The following INKA2 variants were observed in gnomAD, a reference collection of about 807,000 sequenced individuals.
INKA2 encodes the protein PAK4-inhibitor INKA2.
In INKA2, 3 loss-of-function variants were observed where a neutral mutation model predicts 9.8. The ratio of observed to expected loss-of-function variants is 0.31; its 90% CI spans 0.14 to 0.79. The LOEUF (loss-of-function observed/expected upper bound fraction) is 0.79. INKA2 is among the 30% of genes least tolerant of loss of function. INKA2 has a pLI of 0.62. For missense variants in INKA2, 392 were observed against 384.4 expected (o/e 1.02, Z -0.17); for synonymous variants, 147 against 143.3 (o/e 1.03, Z -0.18).
At position 111,723,053 on chromosome 1, in the gene INKA2, A is replaced by T. The variant is rs935954769; in HGVS notation, c.*3915T>A. The T allele has an allele frequency of 1.4e-6, 1 of 702,154 alleles. No individual in the cohort carries two copies. Among genetic ancestry groups the T allele is most frequent in the African/African-American group, 1.7e-5 (1 of 57,344 alleles). 43.5% of individuals were successfully genotyped at this position (702,154 alleles called of 1,614,324 possible). The stretch of plus-strand genomic sequence containing the variant: ...CCACAGTGACAGAGGGGGCTCTCAA[A>T]TCTTAACTCCAAGTCTAGTGCTCAT... On this transcript the variant is annotated 3_prime_UTR_variant, in exon 2 of 2. Transcript: ENST00000357260.
chr1:111,734,397 C>CT (rs150589873), intron 1 of INKA2, among the ~76,000 whole-genome samples: 5,449 of 151,784 alleles, frequency 0.036, 131 homozygotes, highest in East Asian at 0.079. Flanking sequence ...AAGTTACCTT[C>CT]TTTTTTTTTC....
At chr1:111,751,636 C>A (rs115517545) in intron 1 of INKA2, among the ~76,000 whole-genome samples, 404 of 152,310 alleles carry the variant, frequency 2.7e-3, no homozygotes, top group Non-Finnish European at 4.1e-3. Flanking sequence ...AAAGTCCAGA[C>A]ACCAACCTGG....
chr1:111,730,329 A>G (rs1304894917), intron 1 of INKA2, among the ~76,000 whole-genome samples: 1 of 152,112 alleles, frequency 6.6e-6, no homozygotes, highest in Non-Finnish European at 1.5e-5. Flanking sequence ...AGCCTCAGTC[A>G]TTTTTGGCTT....
At position 111,725,397 on chromosome 1, in the gene INKA2, TG is replaced by T. The variant is rs1053646991; in HGVS notation, c.*1570del. On this transcript the variant is annotated 3_prime_UTR_variant, in exon 2 of 2. Transcript: ENST00000357260. ...TTCCCTACTGGAGTGGGAGGGACAG[TG>T]GCTTCCCAGGGCAGTCCTGGGGGGG... The T allele has an allele frequency of 1.3e-5, 2 of 152,194 alleles. No homozygotes were observed. Among genetic ancestry groups the T allele is most frequent in the African/African-American group, 4.8e-5 (2 of 41,420 alleles). 9.4% of individuals were successfully genotyped at this position (152,194 alleles called of 1,614,324 possible). A position where few individuals can be genotyped will look rare whatever the true frequency, so the allele number is the denominator to read the frequency against.
chr1:111,750,450 A>G (rs140189560), intron 1 of INKA2, among the ~76,000 whole-genome samples: 73 of 152,376 alleles, frequency 4.8e-4, no homozygotes, highest in Middle Eastern at 6.8e-3. Flanking sequence ...TTGATACAAC[A>G]TAAGTTTATA....
At chr1:111,737,980 C>T (rs1346436946) in intron 1 of INKA2, among the ~76,000 whole-genome samples, 1 of 152,208 alleles carries the variant, frequency 6.6e-6, no homozygotes, top group Non-Finnish European at 1.5e-5. Flanking sequence ...AGAGTGTAGC[C>T]TTTGCAGGCA....
chr1:111,730,819 C>T (rs993337114), intron 1 of INKA2, among the ~76,000 whole-genome samples: 4 of 152,152 alleles, frequency 2.6e-5, no homozygotes, highest in Non-Finnish European at 5.9e-5. Flanking sequence ...CACCCCAGAA[C>T]CTCGCTAGCA....
rs1255280389 is a variant in INKA2, at chr1:111,726,788, C to T, written c.*180G>A. On this transcript the variant is annotated 3_prime_UTR_variant, in exon 2 of 2. Coordinates refer to ENST00000357260, the MANE Select transcript of INKA2 (RefSeq NM_019099.5). ...TCCACCAGCTAGCCCCCAAGACAGC[C>T]TCTCCCAACCACCTTCCCTTCAGTC... The T allele has an allele frequency of 1.5e-6, 1 of 681,724 alleles. No individual in the cohort carries two copies. The highest frequency in any genetic ancestry group is 2.5e-6 in the Non-Finnish European group (1 of 394,834). 42.2% of individuals were successfully genotyped at this position (681,724 alleles called of 1,614,324 possible).
rs1355430735 is a variant in INKA2 at position 111,725,951 on chromosome 1, G to A, written c.*1017C>T. The A allele has an allele frequency of 1.8e-5, 7 of 390,938 alleles. No homozygotes were observed. The highest frequency in any genetic ancestry group is 2.7e-5 in the Non-Finnish European group (6 of 221,478). The allele number at this position is 390,938 out of a possible 1,614,324, so 24.2% of individuals were successfully genotyped here. A position where few individuals can be genotyped will look rare whatever the true frequency, so the allele number is the denominator to read the frequency against. Reference sequence around the variant, plus strand: ...GGGGTTTCACCATGTTGGCCAGGCTGGTCATGAACTCCTGACCCCAGGTAA... The same window carrying A: ...GGGGTTTCACCATGTTGGCCAGGCTAGTCATGAACTCCTGACCCCAGGTAA... On this transcript the variant is annotated 3_prime_UTR_variant, in exon 2 of 2. Coordinates refer to ENST00000357260, the MANE Select transcript of INKA2 (RefSeq NM_019099.5).
chr1:111,752,650 T>C (rs1663435399), intron 1 of INKA2, among the ~76,000 whole-genome samples: 1 of 152,148 alleles, frequency 6.6e-6, no homozygotes, highest in South Asian at 2.1e-4. Context: ...ACACCCAGGG[T>C]GGGCCACCTT....
rs1024856598 is a variant in INKA2 at position 111,725,052 on chromosome 1, T to A, written c.*1916A>T. 1.3e-5 allele frequency: 2 copies of A among 152,176 alleles called. No homozygotes were observed. The highest frequency in any genetic ancestry group is 2.4e-5 in the African/African-American group (1 of 41,408). 9.4% of individuals were successfully genotyped at this position (152,176 alleles called of 1,614,324 possible). A position where few individuals can be genotyped will look rare whatever the true frequency, so the allele number is the denominator to read the frequency against. ...CCACCAAAAATGAAACATCTTACCATTTGACTGGGTAGGATTTGAGAGTGA... is the reference window on the plus strand; with the variant it reads ...CCACCAAAAATGAAACATCTTACCAATTGACTGGGTAGGATTTGAGAGTGA... On this transcript the variant is annotated 3_prime_UTR_variant, in exon 2 of 2. Coordinates refer to ENST00000357260, the MANE Select transcript of INKA2 (RefSeq NM_019099.5).
In INKA2 at chr1:111,727,296, T is replaced by C. The variant is rs779118033; in HGVS notation, c.566A>G (p.Glu189Gly). The change falls in exon 2 of 2, where the codon GAA becomes GGA. Residue 189 changes from glutamate (E) to glycine (G), a missense_variant. Coordinates refer to ENST00000357260, the MANE Select transcript of INKA2 (RefSeq NM_019099.5). ...GGGCTGGCCTTTCTCTCCTTTGGGT[T>C]CACGTGCCCCCCCAGTCTCACCCTT... ...GEKGETGGAREPKGEKGQPQE... is the reference protein window; with the variant it reads ...GEKGETGGARGPKGEKGQPQE... The C allele has an allele frequency of 1.2e-5, 19 of 1,614,076 alleles. No homozygotes were observed. The South Asian group carries it at 1.5e-4, about 13-fold the overall frequency.
At chr1:111,755,789 C>G in exon 1 of INKA2, 1 of 1,610,354 alleles carries the variant, frequency 6.2e-7, no homozygotes, top group Non-Finnish European at 8.5e-7. Context: ...GCCTCCGACT[C>G]CCGTCCCTTT....
rs1355350432 is a variant in INKA2, at chr1:111,727,310, A to C, written c.552T>G (p.Thr184=). ...CTCCTTTGGGTTCACGTGCCCCCCC[A>C]GTCTCACCCTTCTCCCCACCCTTCT... ...ELEKGGEKGE[T]GGAREPKGEK... is the part of the protein sequence containing the mutation. Residue 184 remains threonine, a synonymous_variant, in exon 2 of 2, where the codon ACT becomes ACG. Coordinates refer to ENST00000357260, the MANE Select transcript of INKA2 (RefSeq NM_019099.5). The C allele has an allele frequency of 6.2e-7, 1 of 1,613,716 alleles. No individual in the cohort carries two copies. The highest frequency in any genetic ancestry group is 1.7e-5 in the Admixed American group (1 of 60,008).
chr1:111,736,006 C>T (rs1039070594), intron 1 of INKA2, among the ~76,000 whole-genome samples: 1 of 152,214 alleles, frequency 6.6e-6, no homozygotes, highest in Admixed American at 6.5e-5. Context: ...CTGTGAGCAT[C>T]GTACATCTGC....
At chr1:111,734,764 C>G (rs573534941) in intron 1 of INKA2, among the ~76,000 whole-genome samples, 189 of 152,324 alleles carry the variant, frequency 1.2e-3, no homozygotes, top group Non-Finnish European at 2.0e-3. Context: ...GTGCGTGTCC[C>G]TATTTATCCC....
At chr1:111,746,614 G>C (rs1415922255) in intron 1 of INKA2, 1 of 152,224 alleles carries the variant, frequency 6.6e-6, no homozygotes, top group African/African-American at 2.4e-5. Flanking sequence ...AGGGCATGTG[G>C]CCTCACAGAA....
In INKA2 at chr1:111,731,882, C is replaced by T. The variant is rs192419279; in HGVS notation, c.58-4078G>A. On this transcript the variant is annotated intron_variant, in intron 1 of 1. Coordinates refer to ENST00000357260, the MANE Select transcript of INKA2 (RefSeq NM_019099.5). ...TATATCTGGTCTAATCAAGGAGAAG[C>T]ACAAGGAGAAGGTCCTGTTTTTTCC... is the stretch of plus-strand genomic sequence containing the variant. 2.0e-4 allele frequency among the ~76,000 whole-genome samples: 31 copies of T among 152,344 alleles called. No homozygotes were observed. The East Asian group carries it at 5.6e-3, about 27-fold the overall frequency.
intron 1 of INKA2, among the ~76,000 whole-genome samples, chr1:111,750,868 A>G (rs1421180092): frequency 2.0e-5 from 3 of 152,182 alleles, no homozygotes; most frequent in Non-Finnish European, 4.4e-5. Context: ...TAGGGCCAGT[A>G]TATCTCTGCA....
Sources: allele counts gnomAD v4.1 joint callset (sites outside exome capture counted in the v4.1 genomes callset), GRCh38; gene constraint gnomAD v4.1.1; transcripts MANE v1.5; gene names NCBI Gene and HGNC (gene_info 2026-07-23, HGNC 2026-07-21).